The following LHCGR variants were observed in gnomAD, a reference collection of about 807,000 sequenced individuals.
LHCGR encodes lutropin-choriogonadotropic hormone receptor.
LHCGR carries 55 observed loss-of-function variants against 60.7 expected under a neutral mutation model. The observed-to-expected ratio is 0.91, with a 90% confidence interval of 0.73 to 1.13. LHCGR has a LOEUF of 1.13. Among genes scored for constraint, LHCGR ranks in the 50% most tolerant of loss-of-function variants. LHCGR has a pLI of 0.00. For missense variants in LHCGR, 862 were observed against 836.0 expected (o/e 1.03, Z -0.38); for synonymous variants, 337 against 316.5 (o/e 1.06, Z -0.69).
In LHCGR at chr2:48,688,947, C is replaced by T. The variant is rs1424940151; in HGVS notation, c.948-98G>A. ...TTAAAGGCAAAGAAACAAAAGGAAA[C>T]AAAGCCATAATAGCCTCAGCCTTAC... On this transcript the variant is annotated intron_variant, in intron 10 of 10. Transcript: ENST00000294954. The surrounding 1 kb of genome is among the most constrained non-coding windows in gnomAD (Gnocchi z 5.2). 2 of 1,103,780 alleles carry T rather than the reference C, an allele frequency of 1.8e-6. No homozygotes were observed. The highest frequency in any genetic ancestry group is 2.7e-6 in the Non-Finnish European group (2 of 741,054). 68.4% of individuals were successfully genotyped at this position (1,103,780 alleles called of 1,614,324 possible). A position where few individuals can be genotyped will look rare whatever the true frequency, so the allele number is the denominator to read the frequency against.
intron 7 of LHCGR, among the ~76,000 whole-genome samples, chr2:48,711,763 G>A (rs757256059): frequency 1.3e-5 from 2 of 152,068 alleles, no homozygotes; most frequent in Non-Finnish European, 2.9e-5. Flanking sequence ...GGTGACCTCA[G>A]CCACACAGGA....
intron 1 of LHCGR, among the ~76,000 whole-genome samples, chr2:48,738,273 C>A (rs562047279): frequency 2.0e-5 from 3 of 152,150 alleles, no homozygotes; most frequent in Non-Finnish European, 2.9e-5. Flanking sequence ...AGATGCCATG[C>A]GTGAACATTT....
chr2:48,711,642 G>A (rs1667993617), intron 7 of LHCGR, among the ~76,000 whole-genome samples: 1 of 152,146 alleles, frequency 6.6e-6, no homozygotes. Flanking sequence ...ACCTCACACA[G>A]ACATACTGTG....
intron 8 of LHCGR, 92 bp downstream of exon 8, chr2:48,708,856 C>T: frequency 2.1e-6 from 2 of 959,706 alleles, no homozygotes; most frequent in African/African-American, 1.6e-5. Context: ...TGATGTCTCA[C>T]ATATCAGCTT....
chr2:48,743,528 G>C (rs1205925733), intron 1 of LHCGR, among the ~76,000 whole-genome samples: 1 of 152,260 alleles, frequency 6.6e-6, no homozygotes, highest in Non-Finnish European at 1.5e-5. Flanking sequence ...GGGATGCAAG[G>C]CTGGTTCAAC....
rs1277348070 is a variant in LHCGR at position 48,698,860 on chromosome 2, G to T, written c.681-60C>A. 6.5e-6 allele frequency: 8 copies of T among 1,233,572 alleles called. No individual in the cohort carries two copies. The Admixed American group carries it at 1.1e-4, about 17-fold the overall frequency. The allele number at this position is 1,233,572 out of a possible 1,614,324, so 76.4% of individuals were successfully genotyped here. ...TTTATTTTATACATTTTTTTTTTTTGAGACGGAGTCTTGCTCCGTCGCCCA... is the reference window on the plus strand; with the variant it reads ...TTTATTTTATACATTTTTTTTTTTTTAGACGGAGTCTTGCTCCGTCGCCCA... On this transcript the variant is annotated intron_variant, in intron 8 of 10. Coordinates refer to ENST00000294954, the MANE Select transcript of LHCGR (RefSeq NM_000233.4).
At chr2:48,733,128 T>C (rs949129065) in intron 1 of LHCGR, 18 of 358,828 alleles carry the variant, frequency 5.0e-5, no homozygotes, top group South Asian at 3.9e-4. Context: ...CCTTGCAGCA[T>C]CAATAAAACT....
At chr2:48,752,999 G>T (rs998590110) in intron 1 of LHCGR, among the ~76,000 whole-genome samples, 1 of 116,580 alleles carries the variant, frequency 8.6e-6, no homozygotes, top group African/African-American at 3.5e-5. Context: ...GGGGGGGGTG[G>T]GGAAGGGAAG....
rs1261577764 is a variant in LHCGR, at chr2:48,688,740, A to G, written c.1057T>C (p.Cys353Arg). Reference sequence around the variant, plus strand: ...AAGTCATAGCCCATAATATCTTCACAGGGATTAAAAGCATCTGGTTCAGGA... The same window carrying G: ...AAGTCATAGCCCATAATATCTTCACGGGGATTAAAAGCATCTGGTTCAGGA... Reference protein sequence around the residue: ...CAPEPDAFNPCEDIMGYDFLR... With the variant: ...CAPEPDAFNPREDIMGYDFLR... Residue 353 changes from cysteine (C) to arginine (R), a missense_variant, in exon 11 of 11, where the codon TGT becomes CGT. By Grantham distance (180) the Cys-to-Arg change is radical. Transcript: ENST00000294954. This position sits in a 1 kb window ranked among gnomAD's most constrained non-coding sequence, Gnocchi z 5.2. 6.2e-7 allele frequency: 1 copy of G among 1,614,118 alleles called. No individual in the cohort carries two copies. The highest frequency in any genetic ancestry group is 1.3e-5 in the African/African-American group (1 of 75,042).
chr2:48,740,824 G>A (rs1255917290), intron 1 of LHCGR, among the ~76,000 whole-genome samples: 2 of 152,202 alleles, frequency 1.3e-5, no homozygotes, highest in South Asian at 2.1e-4. Flanking sequence ...CACCAGCAAC[G>A]GAACAAAGCT....
rs543301470 is a variant in LHCGR, at chr2:48,715,697, G to C, written c.537-1643C>G. On this transcript the variant is annotated intron_variant, in intron 6 of 10. Coordinates refer to ENST00000294954, the MANE Select transcript of LHCGR (RefSeq NM_000233.4). ...CAGCATGTATGTACTCTGTGTGTATGTATGTGTGGTCTCCTTCCACCAACC... is the reference window on the plus strand; with the variant it reads ...CAGCATGTATGTACTCTGTGTGTATCTATGTGTGGTCTCCTTCCACCAACC... 3.9e-4 allele frequency among the ~76,000 whole-genome samples: 59 copies of C among 152,276 alleles called. No individual in the cohort carries two copies. The South Asian group carries it at 0.011, about 29-fold the overall frequency.
intron 9 of LHCGR, among the ~76,000 whole-genome samples, chr2:48,697,915 T>C (rs1667202660): frequency 6.6e-6 from 1 of 152,278 alleles, no homozygotes; most frequent in Admixed American, 6.5e-5. Flanking sequence ...GCTTTATTTC[T>C]GTTACATATG....
intron 1 of LHCGR, among the ~76,000 whole-genome samples, chr2:48,740,312 A>T (rs1415958010): frequency 1.3e-5 from 2 of 152,204 alleles, no homozygotes; most frequent in Non-Finnish European, 2.9e-5. Flanking sequence ...CAAAGCAGCC[A>T]GGAAGCTCGA....
At chr2:48,743,718 C>T (rs1430908843) in intron 1 of LHCGR, among the ~76,000 whole-genome samples, 1 of 152,038 alleles carries the variant, frequency 6.6e-6, no homozygotes, top group South Asian at 2.1e-4. Context: ...CTATCTATGA[C>T]AAACCCACAG....
intron 8 of LHCGR, among the ~76,000 whole-genome samples, chr2:48,699,684 A>C (rs1421555790): frequency 6.6e-6 from 1 of 152,232 alleles, no homozygotes; most frequent in Non-Finnish European, 1.5e-5. Flanking sequence ...TCTCTAATGC[A>C]TTCTCTAATG....
intron 1 of LHCGR, among the ~76,000 whole-genome samples, chr2:48,739,615 G>C (rs962095909): frequency 1.9e-4 from 28 of 149,492 alleles, no homozygotes; most frequent in Non-Finnish European, 3.5e-4. Context: ...TGAACAATGA[G>C]AACACATGGA....
intron 1 of LHCGR, among the ~76,000 whole-genome samples, chr2:48,733,443 G>C (rs879514554): frequency 6.6e-6 from 1 of 152,214 alleles, no homozygotes; most frequent in Non-Finnish European, 1.5e-5. Flanking sequence ...TGTAGATCAT[G>C]CAATGGCAGT....
chr2:48,739,358 C>A (rs1334989924), intron 1 of LHCGR, among the ~76,000 whole-genome samples: 1 of 152,162 alleles, frequency 6.6e-6, no homozygotes, highest in African/African-American at 2.4e-5. Flanking sequence ...AAGACACATG[C>A]ACACGTGTAT....
Position 48,688,452 on chromosome 2 carries a change from C to T in LHCGR, c.1345G>A (p.Ala449Thr), listed in dbSNP as rs763889232. The part of the protein sequence containing the change: ...CSTAGFFTVF[A>T]SELSVYTLTV... The stretch of plus-strand genomic sequence containing the variant: ...AGGGTGTAGACAGAAAGTTCACTTG[C>T]GAATACAGTGAAAAAGCCAGCAGTG... Residue 449 changes from alanine to threonine, a missense_variant, in exon 11 of 11, where the codon GCA becomes ACA. By Grantham distance (58) the Ala-to-Thr change is moderately conservative. Transcript: ENST00000294954. This position sits in a 1 kb window ranked among gnomAD's most constrained non-coding sequence, Gnocchi z 5.2. The T allele has an allele frequency of 4.3e-6, 7 of 1,613,948 alleles. No homozygotes were observed. The highest frequency in any genetic ancestry group is 4.5e-5 in the East Asian group (2 of 44,890).
Sources: gnomAD v4.1 joint callset for allele counts (sites outside exome capture counted in the v4.1 genomes callset) on GRCh38, gnomAD v4.1.1 for gene constraint, Gnocchi (gnomAD v3.1) non-coding constraint, MANE v1.5 for transcripts, NCBI Gene and HGNC (gene_info 2026-07-23, HGNC 2026-07-21) for gene names.